EYS: variants seen among roughly 807,000 people sequenced by gnomAD.
EYS encodes EGF-like photoreceptor maintenance factor.
In EYS, 250 loss-of-function variants were observed where a neutral mutation model predicts 282.1. The ratio of observed to expected loss-of-function variants is 0.89; its 90% CI spans 0.80 to 0.98. EYS has a LOEUF of 0.98. Among genes scored for constraint, EYS ranks in the 50% least tolerant of loss-of-function variants. EYS has a pLI of 0.00. For missense variants in EYS, 4,016 were observed against 3,709.0 expected, an observed-to-expected ratio of 1.08 and a Z score of -2.15; for synonymous variants, 1,355 against 1,282.9, an observed-to-expected ratio of 1.06 and a Z score of -1.20.
chr6:64,196,394 G>T (rs1382538916), intron 31 of EYS, among the ~76,000 whole-genome samples: 1 of 152,166 alleles, frequency 6.6e-6, no homozygotes, highest in Non-Finnish European at 1.5e-5. Flanking sequence ...CCATTACTGG[G>T]TATACACCCA....
At chr6:65,426,215 G>A (rs907000540) in intron 5 of EYS, among the ~76,000 whole-genome samples, 8 of 152,024 alleles carry the variant, frequency 5.3e-5, no homozygotes, top group African/African-American at 1.9e-4. Flanking sequence ...ACGGCCTCAA[G>A]GGATCCTACC....
chr6:65,429,367 T>G (rs1449774405), intron 5 of EYS, among the ~76,000 whole-genome samples: 1 of 152,034 alleles, frequency 6.6e-6, no homozygotes, highest in Non-Finnish European at 1.5e-5. Context: ...CACTTGGATA[T>G]AAAAAATTGA....
chr6:65,097,075 AAATATTT>A (rs563042147), intron 12 of EYS, among the ~76,000 whole-genome samples: 1,674 of 151,212 alleles, frequency 0.011, 32 homozygotes, highest in African/African-American at 0.038. Context: ...GGAATGGGAA[AAATATTT>A]GCAAAGCCCA....
At chr6:65,180,903 C>A (rs1167204991) in intron 12 of EYS, among the ~76,000 whole-genome samples, 1 of 152,086 alleles carries the variant, frequency 6.6e-6, no homozygotes, top group African/African-American at 2.4e-5. Flanking sequence ...AATAATGCTG[C>A]ATATCTACAA....
chr6:64,351,239 T>C (rs1358317162), intron 29 of EYS, among the ~76,000 whole-genome samples: 1 of 151,600 alleles, frequency 6.6e-6, no homozygotes, highest in East Asian at 2.0e-4. Context: ...AGAAGAATAC[T>C]GAACTTAGTA....
At chr6:65,150,535 T>C (rs1376245931) in intron 12 of EYS, among the ~76,000 whole-genome samples, 2 of 151,988 alleles carry the variant, frequency 1.3e-5, no homozygotes, top group African/African-American at 4.8e-5. Context: ...TTCTATTATG[T>C]CTTTCCTTAT....
At chr6:65,236,082 T>C (rs186421020) in intron 12 of EYS, among the ~76,000 whole-genome samples, 2 of 151,460 alleles carry the variant, frequency 1.3e-5, no homozygotes, top group Non-Finnish European at 2.9e-5. Context: ...TTGTAATAAA[T>C]ATTATTAGTA....
At chr6:65,085,068 T>C (rs560695175) in intron 12 of EYS, among the ~76,000 whole-genome samples, 7 of 152,254 alleles carry the variant, frequency 4.6e-5, no homozygotes, top group African/African-American at 1.7e-4. Context: ...TCTAGGTCAT[T>C]AGATGTCTCA....
chr6:65,494,006 C>T (rs1174655165), intron 4 of EYS, among the ~76,000 whole-genome samples: 1 of 152,126 alleles, frequency 6.6e-6, no homozygotes, highest in Non-Finnish European at 1.5e-5. Flanking sequence ...ATACCATAAT[C>T]TTGGGAATTC....
chr6:64,007,036 A>T (rs1188168536), intron 33 of EYS, among the ~76,000 whole-genome samples: 1 of 152,194 alleles, frequency 6.6e-6, no homozygotes, highest in East Asian at 1.9e-4. Context: ...GGAGTCCCTC[A>T]TCCTCAACTT....
In EYS at chr6:64,474,683, CAGA is replaced by C. The variant is rs1380531283; in HGVS notation, c.5645-35334_5645-35332del. ...AGTAGACTGTTTCACAAACCTGCAT[CAGA>C]AGAAGGTCTTTGTTAAGATGTAGCA... is the stretch of plus-strand genomic sequence containing the variant. On this transcript the variant is annotated intron_variant, in intron 26 of 42. Transcript: ENST00000503581. Among the ~76,000 whole-genome samples, 4 of 152,204 alleles carry C rather than the reference CAGA, an allele frequency of 2.6e-5. No individual in the cohort carries two copies. In the East Asian group the frequency reaches 5.8e-4, roughly 22 times the overall value.
At chr6:64,949,243 C>G (rs1769397806) in intron 14 of EYS, among the ~76,000 whole-genome samples, 1 of 151,890 alleles carries the variant, frequency 6.6e-6, no homozygotes. Context: ...AAGAGTCAGT[C>G]ACCTAAATCC....
At chr6:64,634,832 A>G (rs531682538) in intron 22 of EYS, among the ~76,000 whole-genome samples, 12 of 152,312 alleles carry the variant, frequency 7.9e-5, no homozygotes, top group African/African-American at 2.2e-4. Flanking sequence ...TATAAAAGAA[A>G]TTAGATTTTT....
chr6:65,576,158 A>C (rs1764658889), intron 2 of EYS, among the ~76,000 whole-genome samples: 1 of 152,028 alleles, frequency 6.6e-6, no homozygotes, highest in African/African-American at 2.4e-5. Context: ...ATCTTAATGA[A>C]CATACGTGCA....
At chr6:65,593,736 G>T (rs1442972685) in intron 2 of EYS, among the ~76,000 whole-genome samples, 1 of 151,820 alleles carries the variant, frequency 6.6e-6, no homozygotes, top group Admixed American at 6.6e-5. Context: ...ACCTTACAAA[G>T]AGGTCATTAG....
At chr6:65,146,766 A>G (rs527636540) in intron 12 of EYS, among the ~76,000 whole-genome samples, 2 of 152,114 alleles carry the variant, frequency 1.3e-5, no homozygotes, top group South Asian at 4.1e-4. Flanking sequence ...TCTCAAGGGT[A>G]AGTCTAAAGG....
intron 34 of EYS, among the ~76,000 whole-genome samples, chr6:63,985,240 A>T (rs190622793): frequency 6.6e-6 from 1 of 151,836 alleles, no homozygotes; most frequent in Non-Finnish European, 1.5e-5. Flanking sequence ...CATGTGAACA[A>T]AAAGGCGGAG....
intron 1 of EYS, among the ~76,000 whole-genome samples, chr6:65,686,965 C>G (rs959114142): frequency 6.6e-6 from 1 of 151,438 alleles, no homozygotes; most frequent in Non-Finnish European, 1.5e-5. Flanking sequence ...TTTATTAGAA[C>G]ACAAAAATGT....
At chr6:65,163,154 T>C (rs1423440800) in intron 12 of EYS, among the ~76,000 whole-genome samples, 1 of 151,260 alleles carries the variant, frequency 6.6e-6, no homozygotes, top group Non-Finnish European at 1.5e-5. Flanking sequence ...GAGTTCTCCA[T>C]TATTTTAGAG....
Sources: gnomAD v4.1 joint callset for allele counts (sites outside exome capture counted in the v4.1 genomes callset) on GRCh38, gnomAD v4.1.1 for gene constraint, MANE v1.5 for transcripts, NCBI Gene and HGNC (gene_info 2026-07-23, HGNC 2026-07-21) for gene names.